Variants in ABCC1 observed in about 807,000 individuals in gnomAD.
The protein encoded by ABCC1 is multidrug resistance-associated protein 1.
In ABCC1, 83 loss-of-function variants were observed where a neutral mutation model predicts 172.9. That is an observed-to-expected ratio of 0.48 (90% CI 0.40 to 0.58). The LOEUF (loss-of-function observed/expected upper bound fraction) is 0.58, where lower values mean the gene tolerates loss of function less well. Among genes scored for constraint, ABCC1 ranks in the 20% least tolerant of loss-of-function variants. ABCC1 has a pLI of 0.00. For missense variants in ABCC1, 1,817 were observed against 2,002.7 expected (o/e 0.91, Z 1.77); for synonymous variants, 937 against 825.2 (o/e 1.14, Z -2.32).
At chr16:16,031,556 G>C (rs1374109169) in intron 5 of ABCC1, among the ~76,000 whole-genome samples, 1 of 152,060 alleles carries the variant, frequency 6.6e-6, no homozygotes, top group Non-Finnish European at 1.5e-5. Flanking sequence ...AGTGTAGACT[G>C]TGCACAGCCT....
At chr16:16,081,148 G>A (rs891348935) in intron 16 of ABCC1, among the ~76,000 whole-genome samples, 1 of 152,202 alleles carries the variant, frequency 6.6e-6, no homozygotes, top group African/African-American at 2.4e-5. Context: ...GATTACAGGC[G>A]TGAGCCACCG....
chr16:15,962,835 G>A (rs892242340), intron 1 of ABCC1, among the ~76,000 whole-genome samples: 7 of 152,136 alleles, frequency 4.6e-5, no homozygotes, highest in Non-Finnish European at 1.0e-4. Context: ...ACACAGAGCC[G>A]TGCCATATCA....
chr16:16,047,395 G>A (rs1020976414), intron 9 of ABCC1, among the ~76,000 whole-genome samples: 3 of 152,076 alleles, frequency 2.0e-5, no homozygotes, highest in African/African-American at 7.2e-5. Context: ...GGGCTCAAAC[G>A]ATCCTGCCAC....
intron 23 of ABCC1, among the ~76,000 whole-genome samples, chr16:16,117,139 T>C (rs2044918885): frequency 1.3e-5 from 2 of 152,180 alleles, no homozygotes; most frequent in South Asian, 4.1e-4. Context: ...GTCCTCATAC[T>C]GCTATGAAGA....
rs567802760 is a variant in ABCC1, at chr16:16,006,008, A to T, written c.49-1808A>T. 1.3e-3 allele frequency among the ~76,000 whole-genome samples: 198 copies of T among 152,144 alleles called. 1 individual carries two copies. The highest frequency in any genetic ancestry group is 2.7e-3 in the East Asian group (14 of 5,178). On this transcript the variant is annotated intron_variant, in intron 1 of 30. Coordinates refer to ENST00000399410, the MANE Select transcript of ABCC1 (RefSeq NM_004996.4). Reference sequence around the variant, plus strand: ...GACTCTGTCAAGAAAAAAAAAAATAAAAATAAAAAGCCGGAAATCAAATTT... The same window carrying T: ...GACTCTGTCAAGAAAAAAAAAAATATAAATAAAAAGCCGGAAATCAAATTT...
chr16:16,118,738 G>A (rs2045017555), intron 23 of ABCC1, among the ~76,000 whole-genome samples: 1 of 151,962 alleles, frequency 6.6e-6, no homozygotes, highest in South Asian at 2.1e-4. Flanking sequence ...TGCATAATGT[G>A]TGTGGGCAGG....
intron 1 of ABCC1, among the ~76,000 whole-genome samples, chr16:16,004,723 C>T (rs1312385487): frequency 6.9e-6 from 1 of 145,230 alleles, no homozygotes; most frequent in Non-Finnish European, 1.5e-5. Flanking sequence ...GGTGCAGTCT[C>T]AGCTCACTGC....
At chr16:16,045,058 A>C (rs1448510049) in intron 8 of ABCC1, among the ~76,000 whole-genome samples, 1 of 152,134 alleles carries the variant, frequency 6.6e-6, no homozygotes, top group African/African-American at 2.4e-5. Flanking sequence ...AGGATATGGC[A>C]TTGTCTTGGG....
chr16:16,044,579 G>C lies in ABCC1; in HGVS notation c.939G>C (p.Leu313=), dbSNP rs1393860061. ...CACAGAAGGAGTGGAACCCCTCTCT[G>C]TTTAAGGTGTTATACAAGACCTTTG... ...KSPQKEWNPS[L]FKVLYKTFGP... Residue 313 remains leucine, a synonymous_variant, in exon 8 of 31, where the codon CTG becomes CTC. Transcript: ENST00000399410. 1 of 1,614,158 alleles carries C rather than the reference G, an allele frequency of 6.2e-7. No homozygotes were observed. The highest frequency in any genetic ancestry group is 8.5e-7 in the Non-Finnish European group (1 of 1,180,034).
At chr16:16,095,112 C>T (rs996847505) in intron 19 of ABCC1, 1 of 152,320 alleles carries the variant, frequency 6.6e-6, no homozygotes, top group African/African-American at 2.4e-5. Flanking sequence ...GCCACCATGC[C>T]CGGCCTCACA....
chr16:16,091,928 C>G (rs2051272493), intron 19 of ABCC1, among the ~76,000 whole-genome samples: 1 of 152,206 alleles, frequency 6.6e-6, no homozygotes, highest in Admixed American at 6.5e-5. Context: ...CTAATAAGTG[C>G]TTTCTTGAGA....
intron 6 of ABCC1, among the ~76,000 whole-genome samples, chr16:16,036,190 A>G (rs1247825420): frequency 2.0e-5 from 3 of 152,110 alleles, no homozygotes; most frequent in Non-Finnish European, 4.4e-5. Context: ...TTCGCTCCTA[A>G]ATCATCTTTT....
intron 1 of ABCC1, among the ~76,000 whole-genome samples, chr16:15,966,133 A>T (rs1311128460): frequency 6.6e-6 from 1 of 152,034 alleles, no homozygotes; most frequent in East Asian, 1.9e-4. Context: ...TGTCAGGCAC[A>T]GCAGGGCGCG....
At chr16:16,102,603 C>A (rs1220109628) in intron 19 of ABCC1, 24 bp from the exon 20 acceptor site, 1 of 1,557,936 alleles carries the variant, frequency 6.4e-7, no homozygotes, top group South Asian at 1.2e-5. Context: ...ACCCCACTTG[C>A]CCCCTTTGTC....
rs150831731 is a variant in ABCC1 at position 16,125,018 on chromosome 16, C to T, written c.3717+103C>T. ...CTCCAACAGGAATGGGGGAGAGGAACTTGAGAGGTACGGAGTTTGAGGAGC... is the reference window on the plus strand; with the variant it reads ...CTCCAACAGGAATGGGGGAGAGGAATTTGAGAGGTACGGAGTTTGAGGAGC... On this transcript the variant is annotated intron_variant, in intron 25 of 30. Coordinates refer to ENST00000399410, the MANE Select transcript of ABCC1 (RefSeq NM_004996.4). 1,313 of 1,542,314 alleles carry T rather than the reference C, an allele frequency of 8.5e-4. 3 individuals carry two copies. Among genetic ancestry groups the T allele is most frequent in the Non-Finnish European group, 1.1e-3 (1,202 of 1,131,534 alleles).
chr16:16,017,294 G>T (rs2048035941), intron 5 of ABCC1, among the ~76,000 whole-genome samples: 3 of 151,112 alleles, frequency 2.0e-5, no homozygotes, highest in Admixed American at 6.6e-5. Flanking sequence ...GCAGTGGTGT[G>T]ATCTCGGCTC....
At chr16:16,060,741 C>T (rs888822249) in intron 12 of ABCC1, among the ~76,000 whole-genome samples, 27 of 152,078 alleles carry the variant, frequency 1.8e-4, no homozygotes, top group South Asian at 8.3e-4. Context: ...AGGCTGGTCT[C>T]GAACTCCTGA....
intron 25 of ABCC1, 118 bp downstream of exon 25, chr16:16,125,033 G>A: frequency 6.8e-7 from 1 of 1,469,362 alleles, no homozygotes; most frequent in Non-Finnish European, 9.3e-7. Flanking sequence ...GAGGTACGGA[G>A]TTTGAGGAGC....
chr16:16,070,494 C>G (rs527355766), intron 13 of ABCC1, among the ~76,000 whole-genome samples: 6 of 152,216 alleles, frequency 3.9e-5, no homozygotes, highest in Middle Eastern at 3.4e-3. Flanking sequence ...GAAACCCTGT[C>G]TCTGCTAAAA....
Sources: gnomAD v4.1 joint callset for allele counts (sites outside exome capture counted in the v4.1 genomes callset) on GRCh38, gnomAD v4.1.1 for gene constraint, MANE v1.5 for transcripts, NCBI Gene and HGNC (gene_info 2026-07-23, HGNC 2026-07-21) for gene names.